The following LMBR1 variants were observed in gnomAD, a reference collection of about 807,000 sequenced individuals.
LMBR1 encodes the protein limb region 1 protein homolog.
A neutral mutation model predicts 73.9 loss-of-function variants in LMBR1; 52 were observed. The observed-to-expected ratio is 0.70, with a 90% CI of 0.56 to 0.89. The LOEUF is 0.89. Ranked by LOEUF, LMBR1 falls within the 40% of genes least tolerant of loss-of-function variation. The pLI is 0.00. For synonymous variants in LMBR1, 215 were observed against 209.4 expected (o/e 1.03, Z -0.23); for missense variants, 539 against 579.8 (o/e 0.93, Z 0.72).
intron 2 of LMBR1, among the ~76,000 whole-genome samples, chr7:156,835,013 G>A (rs898510087): frequency 4.6e-5 from 7 of 151,932 alleles, no homozygotes; most frequent in African/African-American, 1.2e-4. Context: ...GGTGGCGGGC[G>A]TCTGTAATCC....
At chr7:156,706,469 C>T (rs953973498) in intron 15 of LMBR1, among the ~76,000 whole-genome samples, 4 of 152,138 alleles carry the variant, frequency 2.6e-5, no homozygotes, top group African/African-American at 7.2e-5. Flanking sequence ...GCACATAAAA[C>T]GTTCTCCAAG....
intron 4 of LMBR1, among the ~76,000 whole-genome samples, chr7:156,804,017 T>C (rs1282635027): frequency 7.2e-6 from 1 of 138,470 alleles, no homozygotes; most frequent in African/African-American, 2.6e-5. Context: ...GGGGGAGGGA[T>C]AGCATTAGGA....
At chr7:156,819,377 T>C (rs1013870873) in intron 4 of LMBR1, among the ~76,000 whole-genome samples, 4 of 152,172 alleles carry the variant, frequency 2.6e-5, no homozygotes, top group Non-Finnish European at 5.9e-5. Flanking sequence ...ATCAAAAACA[T>C]CCATACTGAC....
At chr7:156,717,945 G>T (rs1037111031) in intron 15 of LMBR1, among the ~76,000 whole-genome samples, 1 of 152,184 alleles carries the variant, frequency 6.6e-6, no homozygotes, top group African/African-American at 2.4e-5. Context: ...GAGGAGACTG[G>T]AATTAGAAGT....
chr7:156,690,608 G>A (rs1279468062), intron 15 of LMBR1, among the ~76,000 whole-genome samples: 2 of 152,136 alleles, frequency 1.3e-5, no homozygotes, highest in African/African-American at 4.8e-5. Flanking sequence ...ACATATCTAG[G>A]CAAAGAACAG....
intron 15 of LMBR1, among the ~76,000 whole-genome samples, chr7:156,689,846 G>A (rs890181469): frequency 6.6e-6 from 1 of 152,146 alleles, no homozygotes. Flanking sequence ...CTAATTATAA[G>A]TTTTATTTTT....
intron 15 of LMBR1, among the ~76,000 whole-genome samples, chr7:156,714,092 A>G (rs1390449032): frequency 6.6e-6 from 1 of 152,256 alleles, no homozygotes; most frequent in Non-Finnish European, 1.5e-5. Context: ...CCAAATGTCT[A>G]TATACAAACA....
chr7:156,844,471 G>C (rs1020481417), intron 1 of LMBR1, among the ~76,000 whole-genome samples: 3 of 152,130 alleles, frequency 2.0e-5, no homozygotes, highest in African/African-American at 4.8e-5. Flanking sequence ...CTCTTCCAGA[G>C]ACAGAGTCAG....
Position 156,864,202 on chromosome 7 carries a change from A to G in LMBR1, c.67-27317T>C, listed in dbSNP as rs967980169. 5.3e-5 allele frequency among the ~76,000 whole-genome samples: 8 copies of G among 152,178 alleles called. No homozygotes were observed. In the East Asian group the frequency reaches 1.5e-3, roughly 29 times the overall value. Reference sequence around the variant, plus strand: ...AAAAATAGCTAGTGAAAAGAAAATCAAAATCATTTACAAAGCTCTTCTAAC... The same window carrying G: ...AAAAATAGCTAGTGAAAAGAAAATCGAAATCATTTACAAAGCTCTTCTAAC... On this transcript the variant is annotated intron_variant, in intron 1 of 16. Transcript: ENST00000353442.
chr7:156,813,181 G>A (rs951705836), intron 4 of LMBR1, among the ~76,000 whole-genome samples: 10 of 151,872 alleles, frequency 6.6e-5, no homozygotes, highest in African/African-American at 1.9e-4. Flanking sequence ...CTCCCACCTC[G>A]GCCTCCCAAA....
chr7:156,889,256 T>C (rs1215121290), intron 1 of LMBR1, among the ~76,000 whole-genome samples: 2 of 152,104 alleles, frequency 1.3e-5, no homozygotes, highest in Admixed American at 6.6e-5. Flanking sequence ...GGTATCAAGT[T>C]TCAGTTGATG....
At chr7:156,808,701 C>T (rs1053947801) in intron 4 of LMBR1, among the ~76,000 whole-genome samples, 10 of 152,026 alleles carry the variant, frequency 6.6e-5, no homozygotes, top group African/African-American at 2.4e-4. Context: ...TAGTTTATTT[C>T]CTTTGTTTAC....
chr7:156,676,527 T>C (rs762253176), downstream of LMBR1: 2 of 1,614,000 alleles, frequency 1.2e-6, no homozygotes, highest in Non-Finnish European at 1.7e-6. Flanking sequence ...GGCCCTCCTG[T>C]CCTGCTCACA....
chr7:156,675,759 G>A (rs773626856), downstream of LMBR1: 5 of 1,613,990 alleles, frequency 3.1e-6, no homozygotes, highest in African/African-American at 6.7e-5. Context: ...GCTCTTTGCA[G>A]AAATCGATCA....
chr7:156,833,382 C>A, intron 3 of LMBR1: 1 of 196,864 alleles, frequency 5.1e-6, no homozygotes, highest in Non-Finnish European at 1.0e-5. Flanking sequence ...TGTTCCTGCT[C>A]ACAGCAGGCA....
chr7:156,684,495 T>G (rs961405230), intron 16 of LMBR1, among the ~76,000 whole-genome samples: 2 of 152,162 alleles, frequency 1.3e-5, no homozygotes, highest in African/African-American at 2.4e-5. Context: ...AGCGGAGGCT[T>G]CCAGTGTGAC....
At chr7:156,865,021 C>A (rs73167931) in intron 1 of LMBR1, among the ~76,000 whole-genome samples, 14,784 of 151,094 alleles carry the variant, frequency 0.098, 832 homozygotes, top group African/African-American at 0.12. Flanking sequence ...AAGCAATTCC[C>A]TTTCAGCCAG....
At chr7:156,805,566 T>C (rs939439773) in intron 4 of LMBR1, among the ~76,000 whole-genome samples, 1 of 152,234 alleles carries the variant, frequency 6.6e-6, no homozygotes. Flanking sequence ...TTAGGTCAGA[T>C]GGTCAATCCT....
chr7:156,882,295 A>C (rs940213971), intron 1 of LMBR1, among the ~76,000 whole-genome samples: 1 of 152,120 alleles, frequency 6.6e-6, no homozygotes, highest in East Asian at 1.9e-4. Context: ...TAAACAAAAA[A>C]TTAGCCAGGC....
Sources: gnomAD v4.1 joint callset for allele counts (sites outside exome capture counted in the v4.1 genomes callset) on GRCh38, gnomAD v4.1.1 for gene constraint, MANE v1.5 for transcripts, NCBI Gene and HGNC (gene_info 2026-07-23, HGNC 2026-07-21) for gene names.